Variants in CMSS1 observed in about 807,000 individuals in gnomAD.
CMSS1 encodes the protein cms1 ribosomal small subunit homolog.
CMSS1 carries 33 observed loss-of-function variants against 43.5 expected under a neutral mutation model. The ratio of observed to expected loss-of-function variants is 0.76; its 90% CI spans 0.57 to 1.01. CMSS1 has a LOEUF of 1.01. Among genes scored for constraint, CMSS1 ranks in the 50% least tolerant of loss-of-function variants. CMSS1 has a pLI of 0.00. For missense variants in CMSS1, 313 were observed against 326.4 expected (o/e 0.96, Z 0.32); for synonymous variants, 115 against 117.2 (o/e 0.98, Z 0.12).
intron 1 of CMSS1, among the ~76,000 whole-genome samples, chr3:99,822,001 G>A (rs1442780391): frequency 6.6e-6 from 1 of 151,972 alleles, no homozygotes; most frequent in Non-Finnish European, 1.5e-5. Context: ...AGCCAAGATC[G>A]CACCACTGCA....
chr3:100,098,486 C>G (rs922885047), intron 1 of CMSS1, among the ~76,000 whole-genome samples: 1 of 152,144 alleles, frequency 6.6e-6, no homozygotes, highest in African/African-American at 2.4e-5. Flanking sequence ...AGCATGGTAC[C>G]AGGCAGATAG....
chr3:99,962,100 G>A (rs1708511207), intron 1 of CMSS1, among the ~76,000 whole-genome samples: 1 of 152,178 alleles, frequency 6.6e-6, no homozygotes. Flanking sequence ...CCAAGGAAGC[G>A]AGATGAATGA....
intron 1 of CMSS1, among the ~76,000 whole-genome samples, chr3:99,818,356 A>G (rs200412852): frequency 1.3e-5 from 2 of 152,150 alleles, no homozygotes; most frequent in East Asian, 3.9e-4. Flanking sequence ...GTTAAGGGTG[A>G]CCCATGAACT....
intron 1 of CMSS1, among the ~76,000 whole-genome samples, chr3:100,042,199 C>T (rs1222807792): frequency 6.6e-6 from 1 of 152,092 alleles, no homozygotes; most frequent in African/African-American, 2.4e-5. Context: ...AAACAATAGC[C>T]ACTGAAATTT....
At chr3:99,968,703 G>GA (rs1245485314) in intron 1 of CMSS1, among the ~76,000 whole-genome samples, 3 of 152,106 alleles carry the variant, frequency 2.0e-5, no homozygotes, top group Admixed American at 6.5e-5. Flanking sequence ...GACTGGAAAG[G>GA]AAAAAACAGA....
intron 1 of CMSS1, among the ~76,000 whole-genome samples, chr3:99,915,630 T>TAA (rs938791437): frequency 2.0e-5 from 3 of 146,544 alleles, no homozygotes; most frequent in Non-Finnish European, 4.5e-5. Flanking sequence ...CTTAATGGTT[T>TAA]AAAAAAAAAA....
In CMSS1 at chr3:100,178,707, C is replaced by G. The variant is rs188544078; in HGVS notation, c.*319C>G. 467 of 214,896 alleles carry G rather than the reference C, an allele frequency of 2.2e-3. 12 individuals carry two copies. The highest frequency in any genetic ancestry group is 1.8e-3 in the Middle Eastern group (1 of 550). The allele number at this position is 214,896 out of a possible 1,614,324, so 13.3% of individuals were successfully genotyped here. A position where few individuals can be genotyped will look rare whatever the true frequency, so the allele number is the denominator to read the frequency against. ...GGGTGACCTTAGGCAAGCGTAAGGTCTTGCCTCTCTGAGCCCCATCTTATC... is the reference window on the plus strand; with the variant it reads ...GGGTGACCTTAGGCAAGCGTAAGGTGTTGCCTCTCTGAGCCCCATCTTATC... On this transcript the variant is annotated 3_prime_UTR_variant, in exon 10 of 10. Transcript: ENST00000421999.
intron 1 of CMSS1, among the ~76,000 whole-genome samples, chr3:100,100,360 T>C (rs1280503616): frequency 1.3e-5 from 2 of 152,218 alleles, no homozygotes; most frequent in Admixed American, 6.5e-5. Context: ...GAATGTACCA[T>C]GTACTATACT....
intron 1 of CMSS1, among the ~76,000 whole-genome samples, chr3:99,994,282 A>G (rs1366210641): frequency 6.6e-6 from 1 of 152,230 alleles, no homozygotes; most frequent in Non-Finnish European, 1.5e-5. Context: ...CAATACAATA[A>G]TAGTAGGGGA....
chr3:99,917,018 T>C (rs369271151), intron 1 of CMSS1, among the ~76,000 whole-genome samples: 71 of 152,356 alleles, frequency 4.7e-4, no homozygotes, highest in African/African-American at 1.7e-3. Flanking sequence ...TTAGTGGCTC[T>C]TATTCCTCTT....
At chr3:100,015,840 C>T (rs1367147837) in intron 1 of CMSS1, among the ~76,000 whole-genome samples, 2 of 152,178 alleles carry the variant, frequency 1.3e-5, no homozygotes, top group African/African-American at 4.8e-5. Context: ...ATCTCTATCA[C>T]ATATGATCAT....
At chr3:99,949,535 A>G (rs1352973125) in intron 1 of CMSS1, among the ~76,000 whole-genome samples, 1 of 152,188 alleles carries the variant, frequency 6.6e-6, no homozygotes, top group Non-Finnish European at 1.5e-5. Flanking sequence ...TTATCAGTTG[A>G]AAGAAGGAAA....
intron 1 of CMSS1, among the ~76,000 whole-genome samples, chr3:100,094,940 G>T (rs1010875645): frequency 6.6e-6 from 1 of 151,786 alleles, no homozygotes; most frequent in South Asian, 2.1e-4. Context: ...CACCCGCCTC[G>T]GCCTCCCAAA....
intron 1 of CMSS1, among the ~76,000 whole-genome samples, chr3:100,047,366 A>T (rs1486034413): frequency 6.6e-6 from 1 of 152,242 alleles, no homozygotes; most frequent in African/African-American, 2.4e-5. Context: ...TTTAAGCTTC[A>T]TGCATTTAAA....
intron 1 of CMSS1, chr3:99,848,474 T>G (rs201557511): frequency 6.2e-7 from 1 of 1,614,186 alleles, no homozygotes; most frequent in South Asian, 1.1e-5. Flanking sequence ...ATGTAAGGAC[T>G]TCCTAAGTGA....
intron 1 of CMSS1, among the ~76,000 whole-genome samples, chr3:99,877,004 A>G (rs1347346864): frequency 6.6e-6 from 1 of 152,228 alleles, no homozygotes; most frequent in African/African-American, 2.4e-5. Flanking sequence ...CCACGTGAAG[A>G]AAAAAGAAAT....
At chr3:100,131,561 A>G (rs1245425373) in intron 1 of CMSS1, among the ~76,000 whole-genome samples, 1 of 152,200 alleles carries the variant, frequency 6.6e-6, no homozygotes, top group East Asian at 1.9e-4. Flanking sequence ...CTCCCTCCCT[A>G]CATCTCTACT....
chr3:99,853,538 G>A (rs1414834021), intron 1 of CMSS1, among the ~76,000 whole-genome samples: 1 of 152,164 alleles, frequency 6.6e-6, no homozygotes, highest in Non-Finnish European at 1.5e-5. Flanking sequence ...AAAAGGTTTA[G>A]AAAAAAATTC....
At chr3:100,025,050 C>T (rs1447583709) in intron 1 of CMSS1, among the ~76,000 whole-genome samples, 1 of 152,138 alleles carries the variant, frequency 6.6e-6, no homozygotes, top group Non-Finnish European at 1.5e-5. Context: ...CTAATTAACA[C>T]GCATTTTTCT....
Sources: allele counts gnomAD v4.1 joint callset (sites outside exome capture counted in the v4.1 genomes callset), GRCh38; gene constraint gnomAD v4.1.1; transcripts MANE v1.5; gene names NCBI Gene and HGNC (gene_info 2026-07-23, HGNC 2026-07-21).